KRT33A: variants seen among roughly 807,000 people sequenced by gnomAD.
KRT33A encodes keratin 33A, also known as keratin, type I cuticular Ha3-I.
A neutral mutation model predicts 41.1 loss-of-function variants in KRT33A; 44 were observed. The ratio of observed to expected loss-of-function variants is 1.07; its 90% CI spans 0.84 to 1.38. The LOEUF (loss-of-function observed/expected upper bound fraction) is 1.38. Ranked by LOEUF, KRT33A falls within the 40% of genes most tolerant of loss-of-function variation. The pLI is 0.00. For missense variants in KRT33A, 536 were observed against 518.5 expected, an observed-to-expected ratio of 1.03 and a Z score of -0.33; for synonymous variants, 229 against 227.8, an observed-to-expected ratio of 1.01 and a Z score of -0.05.
rs778342287 is a variant in KRT33A, at chr17:41,346,476, G to A, written c.1069C>T (p.Arg357Trp). Reference sequence around the variant, plus strand: ...CAGTCCTCGCTCTCCAGCAGGCTCCGGTACGTGTTGATCTCACACTCCAGC... The same window carrying A: ...CAGTCCTCGCTCTCCAGCAGGCTCCAGTACGTGTTGATCTCACACTCCAGC... ...ARLECEINTY[R>W]SLLESEDCKL... Residue 357 changes from arginine (R) to tryptophan (W), a missense_variant, in exon 6 of 7, where the codon CGG becomes TGG. Coordinates refer to ENST00000007735, the MANE Select transcript of KRT33A (RefSeq NM_004138.4). 122 of 1,613,992 alleles carry A rather than the reference G, an allele frequency of 7.6e-5. No individual in the cohort carries two copies. The highest frequency in any genetic ancestry group is 1.2e-4 in the South Asian group (11 of 91,066).
At chr17:41,349,243 T>C (rs1215244385) in intron 2 of KRT33A, 103 bp downstream of exon 2, 3 of 1,109,438 alleles carry the variant, frequency 2.7e-6, no homozygotes, top group Admixed American at 2.0e-5. Context: ...AGCTAGAACA[T>C]AGCTCAGTCA....
chr17:41,350,432 C>T lies in KRT33A; in HGVS notation c.336G>A (p.Glu112=). 6.2e-7 allele frequency: 1 copy of T among 1,613,532 alleles called. No individual in the cohort carries two copies. The highest frequency in any genetic ancestry group is 8.5e-7 in the Non-Finnish European group (1 of 1,179,524). ...GCCCACTCCTCACCTTCTGCTGGAG[C>T]TCCTCAATGGTCTTGAAGTAGGACT... ...SYQSYFKTIE[E]LQQKILCSKS... Residue 112 remains glutamate (E), a synonymous_variant, in exon 1 of 7, where the codon GAG becomes GAA. Coordinates refer to ENST00000007735, the MANE Select transcript of KRT33A (RefSeq NM_004138.4).
Position 41,349,411 on chromosome 17 carries a change from A to G in KRT33A, c.366T>C (p.Ser122=), listed in dbSNP as rs760706902. ...TCTGCACCACAAGCCTGGCATTCTC[A>G]GACTTGCTGCACAGGATCTAGAAGG... ...ELQQKILCSK[S]ENARLVVQID... is the part of the protein sequence containing the mutation. Residue 122 remains serine, a synonymous_variant, in exon 2 of 7, where the codon TCT becomes TCC. Coordinates refer to ENST00000007735, the MANE Select transcript of KRT33A (RefSeq NM_004138.4). 2 of 1,614,008 alleles carry G rather than the reference A, an allele frequency of 1.2e-6. No individual in the cohort carries two copies. The highest frequency in any genetic ancestry group is 4.5e-5 in the East Asian group (2 of 44,884).
chr17:41,346,530 A>C lies in KRT33A; in HGVS notation c.1015T>G (p.Tyr339Asp). ...RSDLERQNQEYQVLLDVRARL... is the reference protein window; with the variant it reads ...RSDLERQNQEDQVLLDVRARL... ...GCCCGCACGTCCAGCAGCACCTGAT[A>C]CTCCTGGTTCTGCCGCTCCAGGTCA... The change falls in exon 6 of 7, where the codon TAT (tyrosine) becomes GAT (aspartate). Residue 339 changes from tyrosine to aspartate, a missense_variant. Coordinates refer to ENST00000007735, the MANE Select transcript of KRT33A (RefSeq NM_004138.4). 1 of 1,613,824 alleles carries C rather than the reference A, an allele frequency of 6.2e-7. No homozygotes were observed. Among genetic ancestry groups the C allele is most frequent in the Non-Finnish European group, 8.5e-7 (1 of 1,179,936 alleles).
intron 2 of KRT33A, among the ~76,000 whole-genome samples, chr17:41,349,090 G>A (rs1439040533): frequency 6.6e-6 from 1 of 152,122 alleles, no homozygotes; most frequent in Non-Finnish European, 1.5e-5. Context: ...GAGAACATCG[G>A]GGGCCAACAC....
intron 6 of KRT33A, 91 bp from the exon 7 acceptor site, chr17:41,346,327 C>T (rs1364792161): frequency 2.5e-6 from 4 of 1,569,618 alleles, no homozygotes; most frequent in East Asian, 4.5e-5. Flanking sequence ...GAATATTGTT[C>T]CTCCTTGGAC....
chr17:41,348,718 G>A, intron 2 of KRT33A, 79 bp from the exon 3 acceptor site: 1 of 1,472,556 alleles, frequency 6.8e-7, no homozygotes, highest in Non-Finnish European at 9.3e-7. Context: ...GGTTAGTCAG[G>A]CAACTAGGAA....
intron 6 of KRT33A, 57 bp from the exon 7 acceptor site, chr17:41,346,293 A>G (rs2017415316): frequency 6.3e-7 from 1 of 1,584,998 alleles, no homozygotes; most frequent in African/African-American, 1.3e-5. Context: ...AGAGATTGGA[A>G]AATACTAAAA....
intron 2 of KRT33A, among the ~76,000 whole-genome samples, chr17:41,348,944 G>C (rs2017463787): frequency 6.6e-6 from 1 of 152,076 alleles, no homozygotes; most frequent in Non-Finnish European, 1.5e-5. Flanking sequence ...CCTCCAGCCT[G>C]GGTGACAGAG....
chr17:41,349,236 T>C (rs2017468986), intron 2 of KRT33A, 110 bp downstream of exon 2: 1 of 1,047,708 alleles, frequency 9.5e-7, no homozygotes, highest in Non-Finnish European at 1.4e-6. Flanking sequence ...AGAAAGCAGC[T>C]AGAACATAGC....
chr17:41,350,713 G>A lies in KRT33A; in HGVS notation c.55C>T (p.Arg19Trp), dbSNP rs143678209. The change falls in exon 1 of 7, where the codon CGG (arginine) becomes TGG (tryptophan). Residue 19 changes from arginine to tryptophan, a missense_variant. By Grantham distance (101) the Arg-to-Trp change is moderately radical. Transcript: ENST00000007735. The stretch of plus-strand genomic sequence containing the variant: ...TGGCAGCTGGGGGGCACACAGGGCC[G>A]GGAGGAGCAGCTGGTGCGGCAGCTC... ...SLSCRTSCSS[R>W]PCVPPSCHGC... 2.0e-4 allele frequency: 327 copies of A among 1,612,194 alleles called. No individual in the cohort carries two copies. Among genetic ancestry groups the A allele is most frequent in the South Asian group, 1.3e-3 (114 of 91,032 alleles).
intron 1 of KRT33A, 142 bp downstream of exon 1, chr17:41,350,278 T>A: frequency 1.1e-6 from 1 of 899,804 alleles, no homozygotes; most frequent in Non-Finnish European, 1.7e-6. Context: ...AGTCTAGTAT[T>A]AGATGGGCCC....
Position 41,347,141 on chromosome 17 carries a change from C to T in KRT33A, c.670G>A (p.Val224Ile), listed in dbSNP as rs753356399. The T allele has an allele frequency of 1.2e-6, 2 of 1,614,192 alleles. No individual in the cohort carries two copies. Among genetic ancestry groups the T allele is most frequent in the East Asian group, 4.5e-5 (2 of 44,880 alleles). Residue 224 changes from valine (V) to isoleucine (I), a missense_variant, in exon 4 of 7, where the codon GTC (valine) becomes ATC (isoleucine). Coordinates refer to ENST00000007735, the MANE Select transcript of KRT33A (RefSeq NM_004138.4). ...DAAPTVDLNQVLNETRSQYEA... is the reference protein window; with the variant it reads ...DAAPTVDLNQILNETRSQYEA... Reference sequence around the variant, plus strand: ...TACTGACTCCTGGTCTCATTCAGGACCTGGTTCAGGTCCACAGTGGGAGCA... The same window carrying T: ...TACTGACTCCTGGTCTCATTCAGGATCTGGTTCAGGTCCACAGTGGGAGCA...
At chr17:41,346,718 C>T in intron 5 of KRT33A, 50 bp from the exon 6 acceptor site, 1 of 1,611,244 alleles carries the variant, frequency 6.2e-7, no homozygotes, top group South Asian at 1.1e-5. Flanking sequence ...TTATAAGGTT[C>T]CTCCATGGGG....
Position 41,346,934 on chromosome 17 carries a change from C to A in KRT33A, c.786G>T (p.Ser262=). 1 of 1,613,426 alleles carries A rather than the reference C, an allele frequency of 6.2e-7. No individual in the cohort carries two copies. ...CCGCCTGGTAGGACTGCAGCTGCTC[C>A]GAGCTGGATACCACCTGCTTGTTCA... ...EELNKQVVSS[S]EQLQSYQAEI... The change falls in exon 5 of 7, where the codon TCG becomes TCT. Residue 262 remains serine, a synonymous_variant. Coordinates refer to ENST00000007735, the MANE Select transcript of KRT33A (RefSeq NM_004138.4).
At chr17:41,348,724 A>G in intron 2 of KRT33A, 85 bp from the exon 3 acceptor site, 1 of 1,435,528 alleles carries the variant, frequency 7.0e-7, no homozygotes, top group Non-Finnish European at 9.6e-7. Context: ...TCAGGCAACT[A>G]GGAATTAGGG....
intron 1 of KRT33A, 93 bp from the exon 2 acceptor site, chr17:41,349,521 G>A (rs2017474866): frequency 7.9e-7 from 1 of 1,268,788 alleles, no homozygotes; most frequent in Admixed American, 1.9e-5. Context: ...GAAGGATCAG[G>A]ATGTCTATCT....
At position 41,348,502 on chromosome 17, in the gene KRT33A, A is replaced by G; in HGVS notation, c.569T>C (p.Leu190Pro). Reference sequence around the variant, plus strand: ...ACTCACCTGCTCATGGTTCTGCTTGAGGCACAGCAGCTCCTCCTTCAGGGA... The same window carrying G: ...ACTCACCTGCTCATGGTTCTGCTTGGGGCACAGCAGCTCCTCCTTCAGGGA... ...VESLKEELLCLKQNHEQEVNT... is the reference protein window; with the variant it reads ...VESLKEELLCPKQNHEQEVNT... The change falls in exon 3 of 7, where the codon CTC (leucine) becomes CCC (proline). Residue 190 changes from leucine to proline, a missense_variant. By Grantham distance (98) the Leu-to-Pro change is moderately conservative. Transcript: ENST00000007735. The G allele has an allele frequency of 6.2e-7, 1 of 1,614,004 alleles. No homozygotes were observed. Among genetic ancestry groups the G allele is most frequent in the South Asian group, 1.1e-5 (1 of 91,072 alleles).
At position 41,346,210 on chromosome 17, in the gene KRT33A, G is replaced by C. The variant is rs1325386111; in HGVS notation, c.1124C>G (p.Thr375Ser). The change falls in exon 7 of 7, where the codon ACC (threonine) becomes AGC (serine). Residue 375 changes from threonine to serine, a missense_variant. By Grantham distance (58) the Thr-to-Ser change is moderately conservative. Coordinates refer to ENST00000007735, the MANE Select transcript of KRT33A (RefSeq NM_004138.4). ...CKLPSNPCAT[T>S]NACDKSTGPC... is the part of the protein sequence containing the mutation. ...CCCAGTGGACTTGTCACATGCATTG[G>C]TTGTGGCGCAGGGGTTGGAGGGGAG... 6.2e-7 allele frequency: 1 copy of C among 1,614,066 alleles called. No homozygotes were observed. Among genetic ancestry groups the C allele is most frequent in the African/African-American group, 1.3e-5 (1 of 74,926 alleles).
Sources: gnomAD v4.1 joint callset for allele counts (sites outside exome capture counted in the v4.1 genomes callset) on GRCh38, gnomAD v4.1.1 for gene constraint, MANE v1.5 for transcripts, NCBI Gene and HGNC (gene_info 2026-07-23, HGNC 2026-07-21) for gene names.